PPFIA2: variants seen among roughly 807,000 people sequenced by gnomAD.
PPFIA2 encodes the protein liprin-alpha-2.
A neutral mutation model predicts 175.5 loss-of-function variants in PPFIA2; 46 were observed. That is an observed-to-expected ratio of 0.26 (90% CI 0.21 to 0.34). PPFIA2 has a LOEUF of 0.34. Ranked by LOEUF, PPFIA2 falls within the 10% of genes least tolerant of loss-of-function variation. The pLI is 1.00. For missense variants in PPFIA2, 1,179 were observed against 1,506.1 expected (o/e 0.78, Z 3.60); for synonymous variants, 568 against 511.4 (o/e 1.11, Z -1.49).
chr12:81,589,687 T>G (rs73145473), intron 4 of PPFIA2, among the ~76,000 whole-genome samples: 11 of 152,272 alleles, frequency 7.2e-5, no homozygotes, highest in Non-Finnish European at 1.2e-4. Flanking sequence ...TTTTGTGTTT[T>G]ATAGCTCTGG....
In PPFIA2 at chr12:81,341,197, CACA is replaced by C; in HGVS notation, c.2271_2273del (p.Val758del). ...CTTTGTCCTCTCGACCATCTTCTTC[CACA>C]ACTGCAATCTAGAAGCAAAAACAAT... On this transcript the variant is annotated inframe_deletion, in exon 20 of 33. Coordinates refer to ENST00000549396, the MANE Select transcript of PPFIA2 (RefSeq NM_003625.5). 1 of 1,611,256 alleles carries C rather than the reference CACA, an allele frequency of 6.2e-7. No individual in the cohort carries two copies. Among genetic ancestry groups the C allele is most frequent in the Non-Finnish European group, 8.5e-7 (1 of 1,178,226 alleles).
chr12:81,441,667 G>A (rs921777014), intron 6 of PPFIA2, among the ~76,000 whole-genome samples: 11 of 152,172 alleles, frequency 7.2e-5, no homozygotes, highest in Admixed American at 2.0e-4. Flanking sequence ...CAAATATCCC[G>A]AAGCCATGAA....
At chr12:81,747,255 G>A (rs762767477) in intron 3 of PPFIA2, among the ~76,000 whole-genome samples, 1 of 143,870 alleles carries the variant, frequency 7.0e-6, no homozygotes, top group Non-Finnish European at 1.6e-5. Context: ...GCTGGTATTA[G>A]GTTTCACAAA....
intron 4 of PPFIA2, among the ~76,000 whole-genome samples, chr12:81,610,048 A>T (rs2060731284): frequency 6.6e-6 from 1 of 152,116 alleles, no homozygotes; most frequent in South Asian, 2.1e-4. Context: ...GTTTGGTGGG[A>T]TTTAAAATTC....
intron 6 of PPFIA2, among the ~76,000 whole-genome samples, chr12:81,442,326 G>GAA (rs1442935034): frequency 3.3e-5 from 5 of 151,970 alleles, no homozygotes; most frequent in African/African-American, 9.7e-5. Flanking sequence ...AATGCAAACT[G>GAA]AAATTAATAT....
At chr12:81,727,327 T>G (rs1708639262) in intron 3 of PPFIA2, among the ~76,000 whole-genome samples, 1 of 151,442 alleles carries the variant, frequency 6.6e-6, no homozygotes. Context: ...TTGGCTCATT[T>G]AGCTCTTCTG....
intron 4 of PPFIA2, among the ~76,000 whole-genome samples, chr12:81,516,801 A>G (rs2062502943): frequency 6.6e-6 from 1 of 152,202 alleles, no homozygotes; most frequent in African/African-American, 2.4e-5. Context: ...TGGCAGCCTC[A>G]GCCAACTAAT....
chr12:81,705,421 A>G (rs2077007483), intron 3 of PPFIA2, among the ~76,000 whole-genome samples: 1 of 147,644 alleles, frequency 6.8e-6, no homozygotes, highest in Non-Finnish European at 1.5e-5. Flanking sequence ...GCACCACTGC[A>G]CTCCAGCCTG....
At chr12:81,284,757 T>G (rs556645842) in intron 24 of PPFIA2, among the ~76,000 whole-genome samples, 1 of 152,098 alleles carries the variant, frequency 6.6e-6, no homozygotes, top group Non-Finnish European at 1.5e-5. Flanking sequence ...ATTCTCGATA[T>G]CCTTTGAAGG....
intron 8 of PPFIA2, among the ~76,000 whole-genome samples, chr12:81,403,376 C>A (rs1349820632): frequency 1.3e-5 from 2 of 152,140 alleles, no homozygotes; most frequent in Non-Finnish European, 2.9e-5. Flanking sequence ...ATTCTGTAAC[C>A]AGTTCCCGAA....
chr12:81,714,146 T>A (rs568718098), intron 3 of PPFIA2, among the ~76,000 whole-genome samples: 1 of 151,066 alleles, frequency 6.6e-6, no homozygotes, highest in East Asian at 2.0e-4. Context: ...AGAGAGGTGG[T>A]CAGACCAAAT....
chr12:81,530,768 TTATA>T (rs962286982), intron 4 of PPFIA2, among the ~76,000 whole-genome samples: 17 of 128,434 alleles, frequency 1.3e-4, no homozygotes, highest in Admixed American at 8.4e-4. Flanking sequence ...AAAAAACACA[TTATA>T]TAATATATGT....
chr12:81,575,316 G>C (rs994134644), intron 4 of PPFIA2, among the ~76,000 whole-genome samples: 3 of 151,800 alleles, frequency 2.0e-5, no homozygotes, highest in African/African-American at 7.2e-5. Flanking sequence ...TCATCAGTTA[G>C]GTTTTATGAC....
At position 81,353,289 on chromosome 12, in the gene PPFIA2, T is replaced by C. The variant is rs1232629401; in HGVS notation, c.1824A>G (p.Val608=). ...HEWNRTQQIG[V]LSSHPFESDT... ...CACTTTCAAAAGGGTGGCTGCTTAG[T>C]ACTCCAATCTGTTGAGTTCTATTCC... Residue 608 remains valine (V), a synonymous_variant, in exon 17 of 33, where the codon GTA becomes GTG. Transcript: ENST00000549396. 6.2e-7 allele frequency: 1 copy of C among 1,613,778 alleles called. No individual in the cohort carries two copies. The highest frequency in any genetic ancestry group is 1.1e-5 in the South Asian group (1 of 91,084).
chr12:81,468,294 C>T (rs1272193852), intron 4 of PPFIA2, among the ~76,000 whole-genome samples: 1 of 152,076 alleles, frequency 6.6e-6, no homozygotes, highest in Admixed American at 6.6e-5. Context: ...GATATATTTG[C>T]TTATTTGATG....
chr12:81,742,596 G>A (rs555430522), intron 3 of PPFIA2, among the ~76,000 whole-genome samples: 1 of 152,324 alleles, frequency 6.6e-6, no homozygotes, highest in East Asian at 1.9e-4. Context: ...TAGACAATAA[G>A]TGTCTGAAAG....
At chr12:81,629,974 G>A (rs2063175082) in intron 4 of PPFIA2, among the ~76,000 whole-genome samples, 1 of 152,174 alleles carries the variant, frequency 6.6e-6, no homozygotes, top group Admixed American at 6.5e-5. Context: ...TGGTCCCAAT[G>A]CAATCACAAA....
chr12:81,290,745 C>T (rs551129435), intron 24 of PPFIA2, among the ~76,000 whole-genome samples: 2 of 151,808 alleles, frequency 1.3e-5, no homozygotes, highest in Admixed American at 6.6e-5. Flanking sequence ...CAACACAACA[C>T]AATTTAACAA....
chr12:81,468,597 C>T (rs2056173123), intron 4 of PPFIA2, among the ~76,000 whole-genome samples: 1 of 152,132 alleles, frequency 6.6e-6, no homozygotes, highest in Non-Finnish European at 1.5e-5. Context: ...TTTAAATCTC[C>T]CAACATAGCT....
Sources: allele counts gnomAD v4.1 joint callset (sites outside exome capture counted in the v4.1 genomes callset), GRCh38; gene constraint gnomAD v4.1.1; transcripts MANE v1.5; gene names NCBI Gene and HGNC (gene_info 2026-07-23, HGNC 2026-07-21).